Variants in DDX60L observed in about 807,000 individuals in gnomAD.
DDX60L encodes DExD/H-box 60 like, also known as probable ATP-dependent RNA helicase DDX60-like.
In DDX60L, 191 loss-of-function variants were observed where a neutral mutation model predicts 211.6. The observed-to-expected ratio is 0.90, with a 90% CI of 0.80 to 1.02. DDX60L has a LOEUF of 1.02. Ranked by LOEUF, DDX60L falls within the 50% of genes least tolerant of loss-of-function variation. The pLI is 0.00. For missense variants in DDX60L, 2,007 were observed against 1,984.1 expected (o/e 1.01, Z -0.22); for synonymous variants, 706 against 694.1 (o/e 1.02, Z -0.27).
intron 26 of DDX60L, among the ~76,000 whole-genome samples, chr4:168,397,605 T>C (rs981481186): frequency 2.0e-5 from 3 of 152,184 alleles, no homozygotes; most frequent in Non-Finnish European, 4.4e-5. Flanking sequence ...TAGATTCAGA[T>C]GGTGGAGAGC....
intron 18 of DDX60L, 107 bp downstream of exon 18, chr4:168,420,154 G>T: frequency 1.0e-6 from 1 of 970,692 alleles, no homozygotes; most frequent in Non-Finnish European, 1.4e-6. Flanking sequence ...TGTGAATTCA[G>T]TGAAATGATT....
intron 5 of DDX60L, 135 bp from the exon 6 acceptor site, chr4:168,458,143 G>C (rs1756844023): frequency 1.9e-6 from 1 of 515,360 alleles, no homozygotes; most frequent in African/African-American, 1.9e-5. Flanking sequence ...TTACTAAAAA[G>C]TCAAGAAACA....
chr4:168,459,814 A>AGGAAGGAAGGAAGGAAGGAAG (rs1273774123), intron 5 of DDX60L, among the ~76,000 whole-genome samples: 1 of 130,200 alleles, frequency 7.7e-6, no homozygotes, highest in African/African-American at 2.9e-5. Context: ...GAAGGAAGGA[A>AGGAAGGAAGGAAGGAAGGAAG]GGAGGGAAGG....
At chr4:168,375,591 T>A in intron 33 of DDX60L, 67 bp from the exon 34 acceptor site, 1 of 1,411,590 alleles carries the variant, frequency 7.1e-7, no homozygotes, top group Non-Finnish European at 9.5e-7. Context: ...TGCTTGGTGA[T>A]AAGATTGCAG....
intron 10 of DDX60L, among the ~76,000 whole-genome samples, chr4:168,437,357 G>T (rs1753185635): frequency 1.3e-5 from 2 of 152,146 alleles, no homozygotes; most frequent in Non-Finnish European, 1.5e-5. Context: ...ACTATGTAAA[G>T]GTAGAGGCAG....
At chr4:168,377,447 G>T (rs1421446472) in intron 33 of DDX60L, among the ~76,000 whole-genome samples, 1 of 152,050 alleles carries the variant, frequency 6.6e-6, no homozygotes, top group Non-Finnish European at 1.5e-5. Flanking sequence ...TCTTTTTGTA[G>T]CAAAGAGAGA....
chr4:168,377,339 T>G (rs542127911), intron 33 of DDX60L, among the ~76,000 whole-genome samples: 193 of 123,940 alleles, frequency 1.6e-3, no homozygotes, highest in Non-Finnish European at 2.8e-3. Context: ...AATAAATAAA[T>G]AAAAATATCT....
chr4:168,449,269 G>A (rs1485042317), intron 8 of DDX60L, among the ~76,000 whole-genome samples: 2 of 151,770 alleles, frequency 1.3e-5, no homozygotes, highest in African/African-American at 4.8e-5. Flanking sequence ...TATACACCAT[G>A]GAATACTATG....
intron 29 of DDX60L, chr4:168,390,443 C>T: frequency 7.5e-7 from 1 of 1,332,440 alleles, no homozygotes; most frequent in East Asian, 2.9e-5. Flanking sequence ...GAAACAGCAA[C>T]ATCCTAAAAG....
chr4:168,405,893 C>A (rs1003875592), intron 24 of DDX60L, 57 bp downstream of exon 24: 7 of 1,466,256 alleles, frequency 4.8e-6, no homozygotes, highest in East Asian at 2.5e-5. Flanking sequence ...AATTATTATG[C>A]AACTCCAAAC....
At chr4:168,376,460 G>C (rs1356369412) in intron 33 of DDX60L, among the ~76,000 whole-genome samples, 1 of 152,104 alleles carries the variant, frequency 6.6e-6, no homozygotes, top group African/African-American at 2.4e-5. Flanking sequence ...ACTAATATCA[G>C]GTAAGAATTT....
At chr4:168,396,247 C>G (rs1745770013) in intron 26 of DDX60L, 123 bp from the exon 27 acceptor site, 1 of 566,158 alleles carries the variant, frequency 1.8e-6, no homozygotes, top group Non-Finnish European at 3.0e-6. Flanking sequence ...TCCATCAATC[C>G]TGACTTGGTC....
chr4:168,395,892 T>TTAA, intron 27 of DDX60L, 67 bp downstream of exon 27: 1 of 1,064,934 alleles, frequency 9.4e-7, no homozygotes, highest in African/African-American at 1.6e-5. Context: ...TGTTCAAAGA[T>TTAA]ATTAAACGAT....
intron 26 of DDX60L, among the ~76,000 whole-genome samples, chr4:168,397,733 T>A (rs546598745): frequency 2.1e-4 from 32 of 152,324 alleles, no homozygotes; most frequent in African/African-American, 7.7e-4. Flanking sequence ...CAGTGGCTAA[T>A]CTGGAGCGGC....
intron 10 of DDX60L, among the ~76,000 whole-genome samples, chr4:168,439,485 G>C (rs907091313): frequency 6.6e-6 from 1 of 151,926 alleles, no homozygotes; most frequent in Non-Finnish European, 1.5e-5. Context: ...TGGACTTGCC[G>C]AGCCAGTCCC....
At chr4:168,442,471 G>C (rs930873328) in intron 9 of DDX60L, among the ~76,000 whole-genome samples, 2 of 152,240 alleles carry the variant, frequency 1.3e-5, no homozygotes, top group Non-Finnish European at 2.9e-5. Flanking sequence ...CCATTGCCCA[G>C]GCTTGATTAG....
intron 17 of DDX60L, among the ~76,000 whole-genome samples, chr4:168,421,043 C>G (rs1172238916): frequency 6.6e-6 from 1 of 152,010 alleles, no homozygotes; most frequent in East Asian, 1.9e-4. Context: ...ACCTATATGG[C>G]CATATTGCTG....
chr4:168,365,980 T>A (rs1739915671), intron 36 of DDX60L, among the ~76,000 whole-genome samples: 1 of 152,090 alleles, frequency 6.6e-6, no homozygotes, highest in African/African-American at 2.4e-5. Context: ...CATCCCTTCA[T>A]AATAAAAACT....
intron 10 of DDX60L, among the ~76,000 whole-genome samples, chr4:168,439,989 T>C (rs1178630237): frequency 6.6e-6 from 1 of 152,124 alleles, no homozygotes; most frequent in African/African-American, 2.4e-5. Context: ...CAATAACAGA[T>C]GAAAAGTCCA....
Sources: allele counts gnomAD v4.1 joint callset (sites outside exome capture counted in the v4.1 genomes callset), GRCh38; gene constraint gnomAD v4.1.1; transcripts MANE v1.5; gene names NCBI Gene and HGNC (gene_info 2026-07-23, HGNC 2026-07-21).